Variants in INO80 observed in about 807,000 individuals in gnomAD.
The protein encoded by INO80 is INO80 complex ATPase subunit, also known as chromatin-remodeling ATPase INO80.
A neutral mutation model predicts 203.4 loss-of-function variants in INO80; 20 were observed. The ratio of observed to expected loss-of-function variants is 0.10; its 90% CI spans 0.07 to 0.14. INO80 has a LOEUF of 0.14. Ranked by LOEUF, INO80 falls within the 10% of genes least tolerant of loss-of-function variation. INO80 has a pLI of 1.00. For synonymous variants in INO80, 726 were observed against 685.2 expected, an observed-to-expected ratio of 1.06 and a Z score of -0.93; for missense variants, 1,419 against 1,914.4, an observed-to-expected ratio of 0.74 and a Z score of 4.83.
chr15:41,107,326 C>A (rs1007960031), intron 1 of INO80, among the ~76,000 whole-genome samples: 2 of 152,130 alleles, frequency 1.3e-5, no homozygotes, highest in African/African-American at 4.8e-5. Context: ...CAAGGTGAAA[C>A]CCCATCTCTA....
chr15:41,034,417 A>G (rs536195777), intron 24 of INO80, among the ~76,000 whole-genome samples: 1 of 152,322 alleles, frequency 6.6e-6, no homozygotes, highest in Non-Finnish European at 1.5e-5. Context: ...ACAGCTTACC[A>G]AGACCAATAT....
At position 41,010,829 on chromosome 15, in the gene INO80, T is replaced by C. The variant is rs192416763; in HGVS notation, c.3403-5142A>G. On this transcript the variant is annotated intron_variant, in intron 27 of 35. Coordinates refer to ENST00000648947, the MANE Select transcript of INO80 (RefSeq NM_017553.3). ...CAGATTTCATTTTGATAAAACAATTTAGGGGAAGGACTCAATATGGTCCAC... is the reference window on the plus strand; with the variant it reads ...CAGATTTCATTTTGATAAAACAATTCAGGGGAAGGACTCAATATGGTCCAC... Among the ~76,000 whole-genome samples, 408 of 152,302 alleles carry C rather than the reference T, an allele frequency of 2.7e-3. 3 individuals are homozygous for C. The highest frequency in any genetic ancestry group is 0.013 in the South Asian group (61 of 4,828).
intron 25 of INO80, among the ~76,000 whole-genome samples, chr15:41,023,762 C>A (rs1486531392): frequency 2.9e-5 from 2 of 70,148 alleles, no homozygotes; most frequent in African/African-American, 1.3e-4. Flanking sequence ...GAGTGAGACT[C>A]TGTCTCAAAA....
At chr15:41,042,352 A>C (rs2044682643) in intron 24 of INO80, among the ~76,000 whole-genome samples, 1 of 151,826 alleles carries the variant, frequency 6.6e-6, no homozygotes, top group Non-Finnish European at 1.5e-5. Context: ...GGGTCTCACT[A>C]TATTGCCTAG....
At chr15:41,030,695 G>C (rs2044446404) in intron 24 of INO80, among the ~76,000 whole-genome samples, 1 of 150,744 alleles carries the variant, frequency 6.6e-6, no homozygotes, top group South Asian at 2.1e-4. Flanking sequence ...TTCTTTTGGA[G>C]ACAGAGTCTC....
At chr15:41,085,867 AT>A (rs1201588476) in intron 6 of INO80, among the ~76,000 whole-genome samples, 2 of 151,954 alleles carry the variant, frequency 1.3e-5, no homozygotes, top group Non-Finnish European at 2.9e-5. Flanking sequence ...AATTTCTTTT[AT>A]TTTTTTTCCG....
chr15:41,049,356 T>C lies in INO80; in HGVS notation c.2507A>G (p.Lys836Arg). The C allele has an allele frequency of 6.2e-7, 1 of 1,613,744 alleles. No individual in the cohort carries two copies. The highest frequency in any genetic ancestry group is 8.5e-7 in the Non-Finnish European group (1 of 1,179,640). ...GATAAACTTTGAAATGTGGTATGGC[T>C]TTAGGGAAATATGAAATGGAGACCA... is the stretch of plus-strand genomic sequence containing the variant. ...ETWSPFHISL[K>R]PYHISKFIYR... The change falls in exon 21 of 36, where the codon AAG (lysine) becomes AGG (arginine). Residue 836 changes from lysine to arginine, a missense_variant. By Grantham distance (26) the Lys-to-Arg change is conservative. Coordinates refer to ENST00000648947, the MANE Select transcript of INO80 (RefSeq NM_017553.3).
intron 28 of INO80, among the ~76,000 whole-genome samples, chr15:40,999,834 G>A (rs1220623300): frequency 1.3e-5 from 2 of 152,246 alleles, no homozygotes; most frequent in East Asian, 3.9e-4. Context: ...GCTTTTTAGG[G>A]CCGTACTAAT....
At chr15:41,097,112 C>T (rs372270646) in intron 1 of INO80, among the ~76,000 whole-genome samples, 2 of 152,244 alleles carry the variant, frequency 1.3e-5, no homozygotes, top group Admixed American at 6.5e-5. Context: ...TTTTTTGAGA[C>T]GGAGTCTCGC....
chr15:41,058,089 A>G (rs2045027211), intron 16 of INO80, among the ~76,000 whole-genome samples: 2 of 152,146 alleles, frequency 1.3e-5, no homozygotes, highest in African/African-American at 2.4e-5. Context: ...AAACAAACAG[A>G]GCATCCAATC....
intron 1 of INO80, among the ~76,000 whole-genome samples, chr15:41,109,875 T>C (rs1037954512): frequency 3.3e-5 from 5 of 150,156 alleles, no homozygotes; most frequent in Non-Finnish European, 5.9e-5. Flanking sequence ...GAGGTTGCAG[T>C]GAACCGAGAT....
intron 16 of INO80, among the ~76,000 whole-genome samples, chr15:41,057,404 A>G (rs1025777303): frequency 1.3e-5 from 2 of 151,466 alleles, no homozygotes; most frequent in Non-Finnish European, 2.9e-5. Flanking sequence ...GTGAGCCCCA[A>G]CTGCGCCACT....
At chr15:41,055,681 T>C (rs1193451308) in intron 17 of INO80, among the ~76,000 whole-genome samples, 4 of 152,242 alleles carry the variant, frequency 2.6e-5, no homozygotes, top group African/African-American at 7.2e-5. Context: ...TATTCCATAA[T>C]TGAACACAAC....
Position 41,007,776 on chromosome 15 carries a change from A to AAC in INO80, c.3403-2090_3403-2089insGT, listed in dbSNP as rs1364270918. Among the ~76,000 whole-genome samples the AAC allele has an allele frequency of 1.2e-3, 183 of 151,792 alleles. 2 individuals are homozygous for AAC. The highest frequency in any genetic ancestry group is 4.2e-3 in the African/African-American group (176 of 41,434). On this transcript the variant is annotated intron_variant, in intron 27 of 35. Coordinates refer to ENST00000648947, the MANE Select transcript of INO80 (RefSeq NM_017553.3). Reference sequence around the variant, plus strand: ...TCAGTAAATAGCTTCAAAAAAAAAAAAAACAAGAAAATGGACATGGAAAGA... The same window carrying AAC: ...TCAGTAAATAGCTTCAAAAAAAAAAAACAAACAAGAAAATGGACATGGAAAGA...
At chr15:41,050,426 C>G (rs1017556870) in intron 19 of INO80, among the ~76,000 whole-genome samples, 1 of 152,216 alleles carries the variant, frequency 6.6e-6, no homozygotes, top group African/African-American at 2.4e-5. Context: ...ACTACTAACT[C>G]TAAGAGTACC....
At chr15:41,091,803 G>A (rs1053041508) in intron 5 of INO80, among the ~76,000 whole-genome samples, 1 of 151,686 alleles carries the variant, frequency 6.6e-6, no homozygotes, top group Admixed American at 6.6e-5. Flanking sequence ...ACAGGCGCAC[G>A]CCACCACACC....
At chr15:41,050,298 C>A (rs976941096) in intron 19 of INO80, among the ~76,000 whole-genome samples, 196 bp from the exon 20 acceptor site, 2 of 152,140 alleles carry the variant, frequency 1.3e-5, no homozygotes, top group Admixed American at 6.6e-5. Context: ...TTCTCTTCAT[C>A]ACTCATTCCA....
chr15:41,097,360 T>G (rs1035927817), intron 1 of INO80, among the ~76,000 whole-genome samples: 1 of 152,066 alleles, frequency 6.6e-6, no homozygotes, highest in Non-Finnish European at 1.5e-5. Context: ...CCCACCACTT[T>G]CAAACAGTAG....
At chr15:40,982,256 C>T (rs375758376) in intron 35 of INO80, among the ~76,000 whole-genome samples, 67 of 152,356 alleles carry the variant, frequency 4.4e-4, no homozygotes, top group Middle Eastern at 3.4e-3. Context: ...AGTCAATTCT[C>T]GTGCCTCAGC....
Sources: allele counts gnomAD v4.1 joint callset (sites outside exome capture counted in the v4.1 genomes callset), GRCh38; gene constraint gnomAD v4.1.1; transcripts MANE v1.5; gene names NCBI Gene and HGNC (gene_info 2026-07-23, HGNC 2026-07-21).